SLCO3A1: variants seen among roughly 807,000 people sequenced by gnomAD.
The protein encoded by SLCO3A1 is solute carrier organic anion transporter family member 3A1.
In SLCO3A1, 27 loss-of-function variants were observed where a neutral mutation model predicts 63.1. That is an observed-to-expected ratio of 0.43 (90% CI 0.32 to 0.59). The LOEUF (loss-of-function observed/expected upper bound fraction) is 0.59. Among genes scored for constraint, SLCO3A1 ranks in the 20% least tolerant of loss-of-function variants. The pLI, the probability that SLCO3A1 is intolerant of heterozygous loss-of-function variation, is 0.09. For missense variants in SLCO3A1, 773 were observed against 945.8 expected (o/e 0.82, Z 2.40); for synonymous variants, 473 against 409.9 (o/e 1.15, Z -1.86).
At chr15:92,087,290 T>A (rs2047417358) in intron 2 of SLCO3A1, among the ~76,000 whole-genome samples, 1 of 151,852 alleles carries the variant, frequency 6.6e-6, no homozygotes, top group Non-Finnish European at 1.5e-5. Context: ...GGATCTGTTG[T>A]TGGGCTTCTC....
At chr15:92,100,672 C>A (rs575040289) in intron 3 of SLCO3A1, among the ~76,000 whole-genome samples, 1 of 152,210 alleles carries the variant, frequency 6.6e-6, no homozygotes, top group Non-Finnish European at 1.5e-5. Context: ...TATGCCAAGC[C>A]TGCCTGAGAC....
chr15:91,867,094 C>T (rs1161686139), intron 1 of SLCO3A1, among the ~76,000 whole-genome samples: 1 of 152,126 alleles, frequency 6.6e-6, no homozygotes, highest in Admixed American at 6.5e-5. Context: ...CATGTCAGGG[C>T]TGGCACTGTG....
chr15:92,067,521 T>C (rs1271600121), intron 2 of SLCO3A1, among the ~76,000 whole-genome samples: 1 of 152,248 alleles, frequency 6.6e-6, no homozygotes, highest in Non-Finnish European at 1.5e-5. Flanking sequence ...GCACTAGACT[T>C]CTTACACATT....
chr15:92,035,864 G>C (rs1463646668), intron 2 of SLCO3A1, among the ~76,000 whole-genome samples: 1 of 151,826 alleles, frequency 6.6e-6, no homozygotes, highest in Non-Finnish European at 1.5e-5. Context: ...GGAAAAGACA[G>C]AAGTTTTGGG....
At chr15:92,003,233 G>A (rs1430346210) in intron 2 of SLCO3A1, among the ~76,000 whole-genome samples, 7 of 152,168 alleles carry the variant, frequency 4.6e-5, no homozygotes, top group African/African-American at 1.7e-4. Context: ...CATAGTATAC[G>A]TGCTGTGTAA....
chr15:92,009,500 C>A (rs568143442), intron 2 of SLCO3A1, among the ~76,000 whole-genome samples: 148 of 152,296 alleles, frequency 9.7e-4, no homozygotes, highest in Non-Finnish European at 1.3e-3. Context: ...TGTTGTACAG[C>A]CTGTGCAATA....
chr15:91,888,980 G>T, intron 1 of SLCO3A1: 1 of 348,366 alleles, frequency 2.9e-6, no homozygotes, highest in South Asian at 2.5e-5. Flanking sequence ...TTGCAGTCCA[G>T]CCTGGGTAAC....
rs138469291 is a variant in SLCO3A1, at chr15:92,022,966, T to G, written c.647-71915T>G. On this transcript the variant is annotated intron_variant, in intron 2 of 9. Transcript: ENST00000318445. ...AGTCGTGGGATTCTGGGTGTCAGAG[T>G]AGAGTGGCTTTGTAGCCAGAAGTCA... Among the ~76,000 whole-genome samples the G allele has an allele frequency of 7.5e-3, 1,112 of 148,554 alleles. 17 individuals are homozygous for G. Among genetic ancestry groups the G allele is most frequent in the Non-Finnish European group, 7.9e-3 (533 of 67,892 alleles).
chr15:91,946,432 G>C (rs935586674), intron 2 of SLCO3A1, among the ~76,000 whole-genome samples: 2 of 152,196 alleles, frequency 1.3e-5, no homozygotes, highest in African/African-American at 2.4e-5. Flanking sequence ...TCCGGGCCCT[G>C]GTAGACAGAA....
chr15:91,988,749 GAACCAGGCTTTGAAA>G lies in SLCO3A1; in HGVS notation c.646+72293_646+72307del, dbSNP rs557764384. Among the ~76,000 whole-genome samples, 267 of 152,286 alleles carry G rather than the reference GAACCAGGCTTTGAAA, an allele frequency of 1.8e-3. 5 individuals are homozygous for G. Among genetic ancestry groups the G allele is most frequent in the Admixed American group, 0.016 (250 of 15,294 alleles). The stretch of plus-strand genomic sequence containing the variant: ...GGTGATGCTGATGCTGCTGGTCCAG[GAACCAGGCTTTGAAA>G]ATTCACAGGTTTATTTCATTGCATC... On this transcript the variant is annotated intron_variant, in intron 2 of 9. Transcript: ENST00000318445.
At chr15:92,058,872 C>G (rs1597270144) in intron 2 of SLCO3A1, among the ~76,000 whole-genome samples, 1 of 152,174 alleles carries the variant, frequency 6.6e-6, no homozygotes, top group Admixed American at 6.5e-5. Context: ...CACGTCCCTT[C>G]AATCTCTGCC....
At chr15:92,171,690 T>G in intron 10 of SLCO3A1, 1 of 907,172 alleles carries the variant, frequency 1.1e-6, no homozygotes, top group South Asian at 1.4e-5. Flanking sequence ...AAAGCCATCA[T>G]GCTATTAAAT....
rs1166860221 is a variant in SLCO3A1 at position 92,033,936 on chromosome 15, T to A, written c.647-60945T>A. Among the ~76,000 whole-genome samples the A allele has an allele frequency of 6.6e-6, 1 of 151,100 alleles. No homozygotes were observed. The highest frequency in any genetic ancestry group is 1.5e-5 in the Non-Finnish European group (1 of 67,810). Reference sequence around the variant, plus strand: ...CGTTGATGAGCTGGGAGCAGGCGCATGGGTGGGACCCAGTGAGGGAGGGGG... The same window carrying A: ...CGTTGATGAGCTGGGAGCAGGCGCAAGGGTGGGACCCAGTGAGGGAGGGGG... On this transcript the variant is annotated intron_variant, in intron 2 of 9. Transcript: ENST00000318445. This position sits in a 1 kb window ranked among gnomAD's most constrained non-coding sequence, Gnocchi z 4.5.
At chr15:92,034,312 G>A (rs2046695715) in intron 2 of SLCO3A1, among the ~76,000 whole-genome samples, 1 of 151,312 alleles carries the variant, frequency 6.6e-6, no homozygotes, top group Non-Finnish European at 1.5e-5. Flanking sequence ...GGCTAGGTGA[G>A]GCTGCCAATG....
intron 2 of SLCO3A1, among the ~76,000 whole-genome samples, chr15:91,988,873 C>T (rs976193650): frequency 6.6e-6 from 1 of 152,102 alleles, no homozygotes; most frequent in African/African-American, 2.4e-5. Context: ...TAATGCAGAG[C>T]GAGGTAGGAT....
At chr15:92,069,694 G>A (rs973168741) in intron 2 of SLCO3A1, among the ~76,000 whole-genome samples, 1 of 152,136 alleles carries the variant, frequency 6.6e-6, no homozygotes, top group Non-Finnish European at 1.5e-5. Flanking sequence ...TCAGCATTGA[G>A]TATTCCTTTG....
At chr15:92,138,214 C>T (rs1258336165) in intron 7 of SLCO3A1, among the ~76,000 whole-genome samples, 1 of 106,604 alleles carries the variant, frequency 9.4e-6, no homozygotes, top group Admixed American at 1.0e-4. Context: ...TTTCCCAGCA[C>T]CATTTATTAA....
chr15:92,001,328 C>T (rs902678585), intron 2 of SLCO3A1, among the ~76,000 whole-genome samples: 4 of 152,168 alleles, frequency 2.6e-5, no homozygotes, highest in South Asian at 2.1e-4. Context: ...TAGGACCTGG[C>T]ACCAGCACAT....
chr15:91,990,575 A>G (rs748882188), intron 2 of SLCO3A1, among the ~76,000 whole-genome samples: 5 of 149,842 alleles, frequency 3.3e-5, no homozygotes, highest in East Asian at 2.0e-4. Flanking sequence ...TTAACCTCCA[A>G]CTTCTTCCAG....
Sources: allele counts gnomAD v4.1 joint callset (sites outside exome capture counted in the v4.1 genomes callset), GRCh38; gene constraint gnomAD v4.1.1; non-coding constraint Gnocchi (gnomAD v3.1); transcripts MANE v1.5; gene names NCBI Gene and HGNC (gene_info 2026-07-23, HGNC 2026-07-21).